The following GUF1 variants were observed in gnomAD, a reference collection of about 807,000 sequenced individuals.
The protein encoded by GUF1 is translation factor GUF1, mitochondrial.
Under a neutral mutation model 82.4 loss-of-function variants are expected in GUF1, and 78 were observed. The ratio of observed to expected loss-of-function variants is 0.95; its 90% CI spans 0.79 to 1.14. The LOEUF is 1.14. Among genes scored for constraint, GUF1 ranks in the 50% most tolerant of loss-of-function variants. The pLI is 0.00. For missense variants in GUF1, 814 were observed against 798.2 expected (o/e 1.02, Z -0.24); for synonymous variants, 279 against 282.3 (o/e 0.99, Z 0.12).
rs757486688 is a variant in GUF1, at chr4:44,681,167, T to C, written c.471T>C (p.Ala157=). 6.2e-7 allele frequency: 1 copy of C among 1,613,274 alleles called. No homozygotes were observed. ...ATGAAGTATCCAGGTCACTTTCTGCTTGCCAGGGTGTTTTACTTGTGGTTG... is the reference window on the plus strand; with the variant it reads ...ATGAAGTATCCAGGTCACTTTCTGCCTGCCAGGGTGTTTTACTTGTGGTTG... ...FSYEVSRSLS[A]CQGVLLVVDA... Residue 157 remains alanine (A), a synonymous_variant, in exon 4 of 17, where the codon GCT becomes GCC. Transcript: ENST00000281543.
chr4:44,691,150 T>C (rs1278119940), intron 12 of GUF1, among the ~76,000 whole-genome samples: 3 of 151,696 alleles, frequency 2.0e-5, no homozygotes, highest in African/African-American at 7.2e-5. Context: ...TTTTGAGTAG[T>C]TTGAAAGATA....
rs769392101 is a variant in GUF1 at position 44,691,669 on chromosome 4, C to T, written c.1483C>T (p.Arg495Ter). Residue 495 changes from arginine (R) to a stop codon, truncating the protein, a stop_gained, in exon 13 of 17, where the codon CGA (arginine) becomes TGA (stop). Coordinates refer to ENST00000281543, the MANE Select transcript of GUF1 (RefSeq NM_021927.3). LOFTEE classifies it high-confidence loss of function. ...TGKIMMLCEA[R>*]RAVQKNMIFI... ...ATTTTCTTCCTTCCCTTTTTAGGCT[C>T]GAAGAGCAGTTCAGAAGAATATGAT... is the stretch of plus-strand genomic sequence containing the variant. 4.4e-6 allele frequency: 7 copies of T among 1,584,766 alleles called. No homozygotes were observed. Among genetic ancestry groups the T allele is most frequent in the East Asian group, 4.6e-5 (2 of 43,748 alleles).
rs558173507 is a variant in GUF1, at chr4:44,683,426, A to G, written c.669+108A>G. On this transcript the variant is annotated intron_variant, in intron 6 of 16. Transcript: ENST00000281543. ...CCTGGCATTATATGCTGTTTTTTAT[A>G]GTTTTACAAACTTCTTTTACTATTA... 1.6e-4 allele frequency: 97 copies of G among 594,942 alleles called. No individual in the cohort carries two copies. In the East Asian group the frequency reaches 2.3e-3, roughly 14 times the overall value. 36.9% of individuals were successfully genotyped at this position (594,942 alleles called of 1,614,324 possible). A position where few individuals can be genotyped will look rare whatever the true frequency, so the allele number is the denominator to read the frequency against.
Position 44,678,837 on chromosome 4 carries a change from GC to G in GUF1, c.165+54del, listed in dbSNP as rs751907442. On this transcript the variant is annotated intron_variant, in intron 1 of 16. Coordinates refer to ENST00000281543, the MANE Select transcript of GUF1 (RefSeq NM_021927.3). The stretch of plus-strand genomic sequence containing the variant: ...TAGCCAAGTTTTCAAACGTTGGAGT[GC>G]CCCATGCGATCTTGGACATGTATAG... The G allele has an allele frequency of 3.3e-5, 50 of 1,511,474 alleles. No homozygotes were observed. In the African/African-American group the frequency reaches 6.7e-4, roughly 20 times the overall value. 93.6% of individuals were successfully genotyped at this position (1,511,474 alleles called of 1,614,324 possible).
Position 44,689,862 on chromosome 4 carries a change from T to C in GUF1, c.1222T>C (p.Leu408=). Residue 408 remains leucine (L), a synonymous_variant, in exon 11 of 17, where the codon TTG becomes CTG. Coordinates refer to ENST00000281543, the MANE Select transcript of GUF1 (RefSeq NM_021927.3). ...AGWRLGFLGL[L]HMEVFNQRLE... is the part of the protein sequence containing the mutation. ...CCCCAGGCTAGGATTTCTTGGACTT[T>C]TGCACATGGAAGTTTTCAACCAGCG... The C allele has an allele frequency of 1.2e-6, 2 of 1,605,028 alleles. No homozygotes were observed. Among genetic ancestry groups the C allele is most frequent in the South Asian group, 1.1e-5 (1 of 89,968 alleles).
rs1379150043 is a variant in GUF1 at position 44,689,307 on chromosome 4, C to T, written c.1100C>T (p.Ser367Phe). The change falls in exon 10 of 17, where the codon TCT becomes TTT. Residue 367 changes from serine to phenylalanine, a missense_variant. Coordinates refer to ENST00000281543, the MANE Select transcript of GUF1 (RefSeq NM_021927.3). ...CCAGGAATGTATCCTCTAGACCAATCTGAATATAACAATCTGAAGAGTGCT... is the reference window on the plus strand; with the variant it reads ...CCAGGAATGTATCCTCTAGACCAATTTGAATATAACAATCTGAAGAGTGCT... ...VFAGMYPLDQ[S>F]EYNNLKSAIE... 1.9e-6 allele frequency: 3 copies of T among 1,605,118 alleles called. No individual in the cohort carries two copies. The highest frequency in any genetic ancestry group is 2.6e-6 in the Non-Finnish European group (3 of 1,175,034).
Position 44,680,566 on chromosome 4 carries a change from G to A in GUF1, c.277+14G>A, listed in dbSNP as rs779312371. 1.3e-6 allele frequency: 2 copies of A among 1,551,162 alleles called. No individual in the cohort carries two copies. Among genetic ancestry groups the A allele is most frequent in the Non-Finnish European group, 1.8e-6 (2 of 1,132,842 alleles). On this transcript the variant is annotated intron_variant, in intron 2 of 16. Transcript: ENST00000281543. ...TAGAACTTACAGGTATTTCATTTAT[G>A]TTACATACTTAACTGATGGCTGCGA...
At chr4:44,697,153 T>C (rs1363394849) in intron 15 of GUF1, among the ~76,000 whole-genome samples, 1 of 152,228 alleles carries the variant, frequency 6.6e-6, no homozygotes, top group African/African-American at 2.4e-5. Context: ...TAATCAAGCC[T>C]ACCACAAGCC....
chr4:44,689,708 C>T (rs1271198200), intron 10 of GUF1, 135 bp from the exon 11 acceptor site: 7 of 704,234 alleles, frequency 9.9e-6, no homozygotes, highest in Non-Finnish European at 1.3e-5. Context: ...ATTATGCTAG[C>T]ATTTAATTAT....
rs761003785 is a variant in GUF1 at position 44,689,808 on chromosome 4, A to G, written c.1203-35A>G. On this transcript the variant is annotated intron_variant, in intron 10 of 16. Transcript: ENST00000281543. Reference sequence around the variant, plus strand: ...AAAAAAAAAATGAAGCCCATGGGACATAAACATTTTGGAGTTTGTCTTTTC... The same window carrying G: ...AAAAAAAAAATGAAGCCCATGGGACGTAAACATTTTGGAGTTTGTCTTTTC... 8.9e-6 allele frequency: 14 copies of G among 1,568,380 alleles called. No homozygotes were observed. In the South Asian group the frequency reaches 1.2e-4, roughly 13 times the overall value.
At chr4:44,692,407 T>TTG (rs1560347159) in intron 13 of GUF1, among the ~76,000 whole-genome samples, 1 of 151,492 alleles carries the variant, frequency 6.6e-6, no homozygotes, top group African/African-American at 2.4e-5. Context: ...GAGGCTGTTT[T>TTG]TTGTTGTTGT....
intron 12 of GUF1, among the ~76,000 whole-genome samples, chr4:44,691,109 T>C (rs1715414575): frequency 6.6e-6 from 1 of 151,686 alleles, no homozygotes; most frequent in Admixed American, 6.6e-5. Context: ...GGAAAGAAAT[T>C]TGATAATTAG....
intron 1 of GUF1, 109 bp downstream of exon 1, chr4:44,678,896 C>T: frequency 8.9e-7 from 1 of 1,126,142 alleles, no homozygotes; most frequent in Non-Finnish European, 1.2e-6. Context: ...ACCCTGCTTG[C>T]AACTTGGTAC....
chr4:44,698,554 A>G lies in GUF1; in HGVS notation c.1883A>G (p.Asp628Gly), dbSNP rs1433183113. ...KNVLAKCYGG[D>G]ITRKMKLLKR... ...TAAAATATTTTTCAGTATGGTGGTG[A>G]TATTACCCGAAAAATGAAGCTTTTG... The change falls in exon 17 of 17, where the codon GAT becomes GGT. Residue 628 changes from aspartate to glycine, a missense_variant. Asp to Gly is a moderately conservative substitution (Grantham distance 94). Transcript: ENST00000281543. 8 of 1,594,650 alleles carry G rather than the reference A, an allele frequency of 5.0e-6. No individual in the cohort carries two copies. In the Admixed American group the frequency reaches 1.3e-4, roughly 25 times the overall value.
rs759742813 is a variant in GUF1 at position 44,694,392 on chromosome 4, T to A, written c.1614-20T>A. On this transcript the variant is annotated intron_variant, in intron 13 of 16. Transcript: ENST00000281543. Reference sequence around the variant, plus strand: ...TCTCAGGAAGTGTAATATTTATCACTTGGACTTTTTTCCTTTTAGTTTTGA... The same window carrying A: ...TCTCAGGAAGTGTAATATTTATCACATGGACTTTTTTCCTTTTAGTTTTGA... 2 of 1,458,222 alleles carry A rather than the reference T, an allele frequency of 1.4e-6. No homozygotes were observed. Among genetic ancestry groups the A allele is most frequent in the Non-Finnish European group, 1.9e-6 (2 of 1,038,954 alleles). The allele number at this position is 1,458,222 out of a possible 1,614,324, so 90.3% of individuals were successfully genotyped here. A position where few individuals can be genotyped will look rare whatever the true frequency, so the allele number is the denominator to read the frequency against.
chr4:44,687,507 AT>A (rs879655725), intron 8 of GUF1, among the ~76,000 whole-genome samples: 142 of 146,986 alleles, frequency 9.7e-4, no homozygotes, highest in Middle Eastern at 3.5e-3. Flanking sequence ...TTTTGTAGGG[AT>A]TTTTTTTTTT....
At chr4:44,679,479 C>CAT (rs1714638712) in intron 1 of GUF1, among the ~76,000 whole-genome samples, 1 of 152,088 alleles carries the variant, frequency 6.6e-6, no homozygotes, top group African/African-American at 2.4e-5. Flanking sequence ...AAGACAAAAC[C>CAT]TTAAATTAAT....
Position 44,699,164 on chromosome 4 carries a change from A to G in GUF1, c.*483A>G, listed in dbSNP as rs1434770157. 1 of 152,124 alleles carries G rather than the reference A, an allele frequency of 6.6e-6. No individual in the cohort carries two copies. The highest frequency in any genetic ancestry group is 2.4e-5 in the African/African-American group (1 of 41,382). 9.4% of individuals were successfully genotyped at this position (152,124 alleles called of 1,614,324 possible). A position where few individuals can be genotyped will look rare whatever the true frequency, so the allele number is the denominator to read the frequency against. On this transcript the variant is annotated 3_prime_UTR_variant, in exon 17 of 17. Transcript: ENST00000281543. Reference sequence around the variant, plus strand: ...TAAGTGGTTTGTAACATCGATGAGGAAAAAAAATTGGTTTATGCGTCATTT... The same window carrying G: ...TAAGTGGTTTGTAACATCGATGAGGGAAAAAAATTGGTTTATGCGTCATTT...
chr4:44,684,253 G>A (rs1180147139), intron 6 of GUF1, among the ~76,000 whole-genome samples: 3 of 152,172 alleles, frequency 2.0e-5, no homozygotes, highest in South Asian at 2.1e-4. Context: ...TTAGAGAGAC[G>A]TTATGACATG....
Sources: allele counts gnomAD v4.1 joint callset (sites outside exome capture counted in the v4.1 genomes callset), GRCh38; gene constraint gnomAD v4.1.1; transcripts MANE v1.5; gene names NCBI Gene and HGNC (gene_info 2026-07-23, HGNC 2026-07-21).